The following DACH2 variants were observed in gnomAD, a reference collection of about 807,000 sequenced individuals.
DACH2 encodes the protein dachshund family transcription factor 2.
DACH2 carries 17 observed loss-of-function variants against 35.8 expected under a neutral mutation model. The ratio of observed to expected loss-of-function variants is 0.48; its 90% CI spans 0.33 to 0.71. The LOEUF is 0.71. Ranked by LOEUF, DACH2 falls within the 30% of genes least tolerant of loss-of-function variation. DACH2 has a pLI of 0.02. For synonymous variants in DACH2, 195 were observed against 177.3 expected (o/e 1.10, Z -0.79); for missense variants, 469 against 472.7 (o/e 0.99, Z 0.07).
intron 11 of DACH2, among the ~76,000 whole-genome samples, chrX:86,825,307 C>T (rs776209380): frequency 2.2e-4 from 24 of 110,577 alleles, no homozygotes; most frequent in Non-Finnish European, 4.4e-4. Context: ...GTCCCAGCTA[C>T]CTGGGAGGCT....
chrX:86,821,683 GT>G (rs2042514516), intron 11 of DACH2, among the ~76,000 whole-genome samples: 1 of 110,750 alleles, frequency 9.0e-6, no homozygotes, highest in South Asian at 3.8e-4. Flanking sequence ...TTACTTAATC[GT>G]TCAGGGCCTG....
intron 2 of DACH2, among the ~76,000 whole-genome samples, chrX:86,399,253 T>C (rs1054445271): frequency 2.7e-5 from 3 of 111,691 alleles, no homozygotes; most frequent in African/African-American, 9.8e-5. Flanking sequence ...CCTCCATCCC[T>C]TTATTTTGAG....
At chrX:86,272,607 T>A (rs775217140) in intron 1 of DACH2, among the ~76,000 whole-genome samples, 1 of 111,800 alleles carries the variant, frequency 8.9e-6, no homozygotes, top group African/African-American at 3.2e-5. Flanking sequence ...TTCTTTCCGA[T>A]GCAAAGTAAA....
At chrX:86,410,929 G>A in intron 2 of DACH2, among the ~76,000 whole-genome samples, 1 of 102,360 alleles carries the variant, frequency 9.8e-6, no homozygotes, top group Middle Eastern at 5.0e-3. Context: ...TGCTTTGTCT[G>A]TACATCTGTG....
At chrX:86,801,809 T>C (rs2042297023) in intron 7 of DACH2, among the ~76,000 whole-genome samples, 1 of 112,313 alleles carries the variant, frequency 8.9e-6, no homozygotes, top group South Asian at 3.7e-4. Flanking sequence ...CAAGTAAATT[T>C]ATAATCCATA....
At chrX:86,790,280 T>C in intron 7 of DACH2, among the ~76,000 whole-genome samples, 1 of 112,173 alleles carries the variant, frequency 8.9e-6, no homozygotes, top group Non-Finnish European at 1.9e-5. Context: ...GTCGTATGCA[T>C]AGACACAGCT....
In DACH2 at chrX:86,683,595, C is replaced by T. The variant is rs6653111; in HGVS notation, c.773-11426C>T. Among the ~76,000 whole-genome samples the T allele has an allele frequency of 5.1e-3, 563 of 111,435 alleles. 5 individuals are homozygous for T. The highest frequency in any genetic ancestry group is 0.017 in the African/African-American group (536 of 30,788). ...TAGAGCTTTACCTTTGCAAATTATT[C>T]CTTTAATTCTTGGGGTCACTAGTGG... On this transcript the variant is annotated intron_variant, in intron 4 of 11. Coordinates refer to ENST00000373125, the MANE Select transcript of DACH2 (RefSeq NM_053281.3).
intron 3 of DACH2, among the ~76,000 whole-genome samples, chrX:86,546,351 TTCTTCC>T (rs1377747826): frequency 1.1e-4 from 7 of 63,688 alleles, no homozygotes; most frequent in South Asian, 7.4e-4. Flanking sequence ...CTTCTTCTTC[TTCTTCC>T]TCTTCTTCTT....
Position 86,813,216 on chromosome X carries a change from T to TAG in DACH2, c.1486_1487dup (p.Ile497LysfsTer24). 8.3e-7 allele frequency: 1 copy of TAG among 1,203,919 alleles called. No individual in the cohort carries two copies. The highest frequency in any genetic ancestry group is 2.2e-5 in the Admixed American group (1 of 44,578). On this transcript the variant is annotated frameshift_variant, in exon 9 of 12. Transcript: ENST00000373125. LOFTEE classifies it high-confidence loss of function. Reference sequence around the variant, plus strand: ...AGAAGGAGCTGCGACTGGAGCTCTATAGAGAGAGAGAAATTAGAGAAAACC... The same window carrying TAG: ...AGAAGGAGCTGCGACTGGAGCTCTATAGAGAGAGAGAGAAATTAGAGAAAACC...
intron 2 of DACH2, among the ~76,000 whole-genome samples, chrX:86,408,599 T>G (rs981855884): frequency 3.6e-5 from 4 of 112,215 alleles, no homozygotes; most frequent in Non-Finnish European, 7.5e-5. Context: ...GGAAATTTGT[T>G]ATGCTAACCT....
intron 1 of DACH2, among the ~76,000 whole-genome samples, chrX:86,234,054 T>C (rs1467572317): frequency 8.9e-6 from 1 of 112,403 alleles, no homozygotes; most frequent in East Asian, 2.8e-4. Flanking sequence ...CAGTTCCTCA[T>C]TGTAGGTGTT....
chrX:86,592,794 G>T (rs2039663941), intron 3 of DACH2, among the ~76,000 whole-genome samples: 1 of 111,697 alleles, frequency 9.0e-6, no homozygotes, highest in South Asian at 3.7e-4. Flanking sequence ...GTAAAGGAAG[G>T]TTTGTTTTCA....
At chrX:86,446,288 CTTTT>C (rs753958102) in intron 2 of DACH2, among the ~76,000 whole-genome samples, 4 of 78,072 alleles carry the variant, frequency 5.1e-5, no homozygotes, top group African/African-American at 9.3e-5. Context: ...AGTCTTGTTT[CTTTT>C]TTTTTTTTTT....
intron 1 of DACH2, among the ~76,000 whole-genome samples, chrX:86,253,496 A>G (rs1169200009): frequency 8.9e-6 from 1 of 112,078 alleles, no homozygotes; most frequent in Non-Finnish European, 1.9e-5. Flanking sequence ...TGCAAATTTA[A>G]CAATTTTTGA....
intron 1 of DACH2, among the ~76,000 whole-genome samples, chrX:86,313,385 T>C (rs768977588): frequency 8.0e-5 from 9 of 111,828 alleles, no homozygotes; most frequent in South Asian, 7.5e-4. Context: ...ATATTCAAAG[T>C]AAATGAAACT....
At chrX:86,460,133 C>A (rs2037543530) in intron 2 of DACH2, among the ~76,000 whole-genome samples, 1 of 110,605 alleles carries the variant, frequency 9.0e-6, no homozygotes, top group African/African-American at 3.3e-5. Flanking sequence ...GTAGAAATTA[C>A]TGTGATTTCT....
chrX:86,769,592 G>A (rs2041967976), intron 7 of DACH2, among the ~76,000 whole-genome samples: 1 of 111,750 alleles, frequency 8.9e-6, no homozygotes, highest in Non-Finnish European at 1.9e-5. Context: ...TAGCTCATCT[G>A]AGATGACTTA....
rs770705618 is a variant in DACH2, at chrX:86,303,135, G to C, written c.489-73689G>C. ...ATAGTCCATGTTCTTAAACCACTAA[G>C]GATATTGGAGGAAAACATACATAAA... On this transcript the variant is annotated intron_variant, in intron 1 of 11. Coordinates refer to ENST00000373125, the MANE Select transcript of DACH2 (RefSeq NM_053281.3). 3.8e-5 allele frequency among the ~76,000 whole-genome samples: 4 copies of C among 104,109 alleles called. No individual in the cohort carries two copies. In the East Asian group the frequency reaches 9.0e-4, roughly 24 times the overall value. 90.4% of individuals were successfully genotyped at this position (104,109 alleles called of 115,157 possible). A position where few individuals can be genotyped will look rare whatever the true frequency, so the allele number is the denominator to read the frequency against.
intron 1 of DACH2, among the ~76,000 whole-genome samples, chrX:86,335,820 T>C (rs183098818): frequency 4.5e-5 from 5 of 112,188 alleles, no homozygotes; most frequent in Non-Finnish European, 7.5e-5. Flanking sequence ...CATCCGTGTC[T>C]TGTGCTGGTT....
Sources: gnomAD v4.1 joint callset for allele counts (sites outside exome capture counted in the v4.1 genomes callset) on GRCh38, gnomAD v4.1.1 for gene constraint, MANE v1.5 for transcripts, NCBI Gene and HGNC (gene_info 2026-07-23, HGNC 2026-07-21) for gene names.